The following KLK3 variants were observed in gnomAD, a reference collection of about 807,000 sequenced individuals.
The protein encoded by KLK3 is kallikrein related peptidase 3, also known as prostate-specific antigen.
Under a neutral mutation model 27.7 loss-of-function variants are expected in KLK3, and 23 were observed. The observed-to-expected ratio is 0.83, with a 90% CI of 0.60 to 1.17. The LOEUF (loss-of-function observed/expected upper bound fraction) is 1.17, where lower values mean the gene tolerates loss of function less well. Ranked by LOEUF, KLK3 falls within the 50% of genes most tolerant of loss-of-function variation. The pLI is 0.00. For synonymous variants in KLK3, 142 were observed against 134.2 expected (o/e 1.06, Z -0.40); for missense variants, 322 against 338.1 (o/e 0.95, Z 0.37).
chr19:50,855,800 C>A (rs1390299554), intron 1 of KLK3: 1 of 156,740 alleles, frequency 6.4e-6, no homozygotes, highest in African/African-American at 2.4e-5. Context: ...TTTCCAAAAC[C>A]TTCCTCTTCC....
intron 3 of KLK3, 38 bp from the exon 4 acceptor site, chr19:50,858,421 G>A (rs1378394568): frequency 2.5e-6 from 4 of 1,611,546 alleles, no homozygotes; most frequent in South Asian, 1.1e-5. Flanking sequence ...GAACCAGGTG[G>A]GGTCCAGCCC....
chr19:50,855,113 C>T lies in KLK3; in HGVS notation c.46+112C>T, dbSNP rs2292187. The T allele has an allele frequency of 1.0e-5, 11 of 1,077,012 alleles. No individual in the cohort carries two copies. The South Asian group carries it at 1.3e-4, about 13-fold the overall frequency. 66.7% of individuals were successfully genotyped at this position (1,077,012 alleles called of 1,614,324 possible). Reference sequence around the variant, plus strand: ...CCCAGCCCAGACAGGGAGCTGGGCTCTTTTCTGTCTCTCCCAGCCCCACTC... The same window carrying T: ...CCCAGCCCAGACAGGGAGCTGGGCTTTTTTCTGTCTCTCCCAGCCCCACTC... On this transcript the variant is annotated intron_variant, in intron 1 of 4. Transcript: ENST00000326003.
chr19:50,856,453 C>CTG (rs1568495350), intron 2 of KLK3, 54 bp downstream of exon 2: 2 of 1,581,404 alleles, frequency 1.3e-6, no homozygotes, highest in Non-Finnish European at 1.7e-6. Flanking sequence ...AGAGGAATAA[C>CTG]AGCTGGGCAT....
In KLK3 at chr19:50,860,022, G is replaced by A. The variant is rs61736309; in HGVS notation, c.681G>A (p.Thr227=). ...LVCNGVLQGI[T]SWGSEPCALP... ...GTAATGGTGTGCTTCAAGGTATCAC[G>A]TCATGGGGCAGTGAACCATGTGCCC... The change falls in exon 5 of 5, where the codon ACG becomes ACA. Residue 227 remains threonine (T), a synonymous_variant. Transcript: ENST00000326003. 2,370 of 1,614,098 alleles carry A rather than the reference G, an allele frequency of 1.5e-3. 23 individuals carry two copies. In the African/African-American group the frequency reaches 0.018, roughly 12 times the overall value.
At chr19:50,855,385 C>A in intron 1 of KLK3, 1 of 226,294 alleles carries the variant, frequency 4.4e-6, no homozygotes, top group African/African-American at 2.3e-5. Flanking sequence ...TCCTGAGCCC[C>A]TCAATCCTAT....
At chr19:50,858,877 T>C (rs1350692498) in intron 4 of KLK3, 9 of 544,048 alleles carry the variant, frequency 1.7e-5, no homozygotes, top group Admixed American at 1.3e-4. Context: ...GACATAGCAG[T>C]GAACAGACAG....
At chr19:50,859,048 C>G (rs11084034) in intron 4 of KLK3, 1 of 227,450 alleles carries the variant, frequency 4.4e-6, no homozygotes. Context: ...CTGCAGAAGG[C>G]GGGAGTGAGC....
intron 4 of KLK3, 79 bp downstream of exon 4, chr19:50,858,674 A>G (rs932130084): frequency 3.2e-6 from 5 of 1,545,496 alleles, no homozygotes; most frequent in Admixed American, 3.4e-5. Flanking sequence ...CTAGAAGCCA[A>G]CAAGGCGTCT....
intron 2 of KLK3, among the ~76,000 whole-genome samples, chr19:50,857,145 A>C (rs1435660418): frequency 1.6e-5 from 2 of 125,584 alleles, no homozygotes; most frequent in African/African-American, 5.8e-5. Flanking sequence ...CCTGGGTGAC[A>C]GAGTGAGACT....
intron 2 of KLK3, 106 bp from the exon 3 acceptor site, chr19:50,857,923 T>C: frequency 8.0e-7 from 1 of 1,247,808 alleles, no homozygotes; most frequent in Non-Finnish European, 1.1e-6. Flanking sequence ...CCTGTGTTTT[T>C]CTCACTGTTT....
rs1332251722 is a variant in KLK3 at position 50,859,979 on chromosome 19, C to G, written c.638C>G (p.Ser213Cys). ...TGGKSTCSGDSGGPLVCNGVL... is the reference protein window; with the variant it reads ...TGGKSTCSGDCGGPLVCNGVL... ...CCCTGCTTTTACCCTTAGGGTGATTCTGGGGGCCCACTTGTCTGTAATGGT... is the reference window on the plus strand; with the variant it reads ...CCCTGCTTTTACCCTTAGGGTGATTGTGGGGGCCCACTTGTCTGTAATGGT... The change falls in exon 5 of 5, where the codon TCT (serine) becomes TGT (cysteine). Residue 213 changes from serine to cysteine, a missense_variant. Ser to Cys is a moderately radical substitution (Grantham distance 112). Coordinates refer to ENST00000326003, the MANE Select transcript of KLK3 (RefSeq NM_001648.2). 6.2e-7 allele frequency: 1 copy of G among 1,612,424 alleles called. No individual in the cohort carries two copies. The highest frequency in any genetic ancestry group is 8.5e-7 in the Non-Finnish European group (1 of 1,178,838).
intron 2 of KLK3, chr19:50,856,692 C>G (rs760889387): frequency 1.1e-5 from 4 of 361,374 alleles, no homozygotes; most frequent in African/African-American, 4.3e-5. Flanking sequence ...CTCTCCCTCT[C>G]TTCTCTGTCT....
In KLK3 at chr19:50,858,558, G is replaced by T. The variant is rs780184499; in HGVS notation, c.593G>T (p.Cys198Phe). 1.7e-5 allele frequency: 28 copies of T among 1,614,114 alleles called. No homozygotes were observed. Among genetic ancestry groups the T allele is most frequent in the Middle Eastern group, 1.6e-4 (1 of 6,084 alleles). Reference protein sequence around the residue: ...HPQKVTKFMLCAGRWTGGKST... With the variant: ...HPQKVTKFMLFAGRWTGGKST... ...CAGAAGGTGACCAAGTTCATGCTGTGTGCTGGACGCTGGACAGGGGGCAAA... is the reference window on the plus strand; with the variant it reads ...CAGAAGGTGACCAAGTTCATGCTGTTTGCTGGACGCTGGACAGGGGGCAAA... Residue 198 changes from cysteine to phenylalanine, a missense_variant, in exon 4 of 5, where the codon TGT (cysteine) becomes TTT (phenylalanine). Cys to Phe is a radical substitution (Grantham distance 205). Transcript: ENST00000326003.
rs540044849 is a variant in KLK3, at chr19:50,858,744, C to T, written c.630+149C>T. 3.8e-4 allele frequency: 301 copies of T among 786,142 alleles called. 1 individual carries two copies. The African/African-American group carries it at 4.7e-3, about 12-fold the overall frequency. 48.7% of individuals were successfully genotyped at this position (786,142 alleles called of 1,614,324 possible). A position where few individuals can be genotyped will look rare whatever the true frequency, so the allele number is the denominator to read the frequency against. ...TCCCCGTGTCTCATCTCATTCCCTC[C>T]TTCCCTCTTCTTTGACTCCCTCAAG... is the stretch of plus-strand genomic sequence containing the variant. On this transcript the variant is annotated intron_variant, in intron 4 of 4. Transcript: ENST00000326003.
At chr19:50,859,363 G>A (rs1195681740) in intron 4 of KLK3, among the ~76,000 whole-genome samples, 2 of 152,068 alleles carry the variant, frequency 1.3e-5, no homozygotes, top group African/African-American at 4.8e-5. Flanking sequence ...CTCCCTATGG[G>A]ATCAGACTGC....
Position 50,858,055 on chromosome 19 carries a change from A to G in KLK3, c.233A>G (p.His78Arg). ...AAAAGCGTGATCTTGCTGGGTCGGC[A>G]CAGCCTGTTTCATCCTGAAGACACA... Reference protein sequence around the residue: ...RNKSVILLGRHSLFHPEDTGQ... With the variant: ...RNKSVILLGRRSLFHPEDTGQ... Residue 78 changes from histidine to arginine, a missense_variant, in exon 3 of 5, where the codon CAC becomes CGC. By Grantham distance (29) the His-to-Arg change is conservative. Coordinates refer to ENST00000326003, the MANE Select transcript of KLK3 (RefSeq NM_001648.2). The G allele has an allele frequency of 6.2e-7, 1 of 1,612,988 alleles. No homozygotes were observed. Among genetic ancestry groups the G allele is most frequent in the Non-Finnish European group, 8.5e-7 (1 of 1,179,828 alleles).
At chr19:50,856,557 G>A (rs2090148677) in intron 2 of KLK3, 158 bp downstream of exon 2, 2 of 799,490 alleles carry the variant, frequency 2.5e-6, no homozygotes, top group Non-Finnish European at 3.8e-6. Context: ...GTTGGGGCTG[G>A]ACCACCCTCC....
rs773462440 is a variant in KLK3 at position 50,860,149 on chromosome 19, T to C, written c.*22T>C. 5.1e-6 allele frequency: 8 copies of C among 1,566,158 alleles called. No homozygotes were observed. Among genetic ancestry groups the C allele is most frequent in the Non-Finnish European group, 7.0e-6 (8 of 1,139,464 alleles). On this transcript the variant is annotated 3_prime_UTR_variant, in exon 5 of 5. Coordinates refer to ENST00000326003, the MANE Select transcript of KLK3 (RefSeq NM_001648.2). ...CTGAGCACCCCTATCAACCCCCTAT[T>C]GTAGTAAACTTGGAACCTTGGAAAT...
chr19:50,857,205 G>A (rs902317340), intron 2 of KLK3, among the ~76,000 whole-genome samples: 47 of 141,076 alleles, frequency 3.3e-4, no homozygotes, highest in African/African-American at 1.2e-3. Context: ...AAAAGAAAAG[G>A]AAGTGTTTTA....
Sources: allele counts gnomAD v4.1 joint callset (sites outside exome capture counted in the v4.1 genomes callset), GRCh38; gene constraint gnomAD v4.1.1; transcripts MANE v1.5; gene names NCBI Gene and HGNC (gene_info 2026-07-23, HGNC 2026-07-21).